The following TIMM44 variants were observed in gnomAD, a reference collection of about 807,000 sequenced individuals.
TIMM44 encodes translocase of inner mitochondrial membrane 44.
A neutral mutation model predicts 63.8 loss-of-function variants in TIMM44; 37 were observed. The observed-to-expected ratio is 0.58, with a 90% CI of 0.45 to 0.76. The LOEUF is 0.76. Among genes scored for constraint, TIMM44 ranks in the 30% least tolerant of loss-of-function variants. The pLI, the probability that TIMM44 is intolerant of heterozygous loss-of-function variation, is 0.00. For synonymous variants in TIMM44, 239 were observed against 245.1 expected (o/e 0.98, Z 0.23); for missense variants, 573 against 603.8 (o/e 0.95, Z 0.54).
intron 3 of TIMM44, among the ~76,000 whole-genome samples, chr19:7,935,753 C>T (rs1230422345): frequency 3.3e-5 from 5 of 152,202 alleles, no homozygotes; most frequent in African/African-American, 1.2e-4. Flanking sequence ...CCTTGCCTGT[C>T]ATCACTGTGC....
chr19:7,927,364 TGG>T (rs34491552), intron 12 of TIMM44, 58 bp from the exon 13 acceptor site: 59 of 1,512,704 alleles, frequency 3.9e-5, no homozygotes, highest in Non-Finnish European at 4.9e-5. Context: ...CAGGCAGCTC[TGG>T]GGGGGGGCCA....
intron 10 of TIMM44, among the ~76,000 whole-genome samples, chr19:7,930,721 T>C (rs1210341147): frequency 2.0e-5 from 3 of 152,154 alleles, no homozygotes; most frequent in African/African-American, 4.8e-5. Flanking sequence ...ATTGAAAGCA[T>C]AGGCCACCGT....
At position 7,934,287 on chromosome 19, in the gene TIMM44, CG is replaced by C. The variant is rs758905293; in HGVS notation, c.394-50del. On this transcript the variant is annotated intron_variant, in intron 4 of 12. Transcript: ENST00000270538. This position sits in a 1 kb window ranked among gnomAD's most constrained non-coding sequence, Gnocchi z 5.3. ...GGGCGTTGGCACCGGCCCTGGCGGCCGGGGGGCGGGGCAGGAGGAATGAATT... is the reference window on the plus strand; with the variant it reads ...GGGCGTTGGCACCGGCCCTGGCGGCCGGGGGCGGGGCAGGAGGAATGAATT... 2.5e-3 allele frequency: 4,027 copies of C among 1,602,274 alleles called. 7 individuals are homozygous for C. The highest frequency in any genetic ancestry group is 3.0e-3 in the Non-Finnish European group (3,562 of 1,178,484).
chr19:7,929,760 G>A (rs1197499640), intron 10 of TIMM44, among the ~76,000 whole-genome samples: 1 of 150,928 alleles, frequency 6.6e-6, no homozygotes, highest in Non-Finnish European at 1.5e-5. Flanking sequence ...CCAGGCCACT[G>A]CAGCCACCTG....
chr19:7,939,687 G>A (rs139072501), intron 2 of TIMM44, among the ~76,000 whole-genome samples: 405 of 151,962 alleles, frequency 2.7e-3, no homozygotes, highest in Non-Finnish European at 4.9e-3. Flanking sequence ...AGACCGAGGT[G>A]GGCGGATCAC....
chr19:7,928,500 C>T (rs1241631865), intron 10 of TIMM44: 5 of 323,920 alleles, frequency 1.5e-5, no homozygotes, highest in African/African-American at 2.1e-5. Flanking sequence ...CTTCCATATT[C>T]GCCGCACTCT....
intron 10 of TIMM44, chr19:7,928,766 C>CCAAT (rs1983889560): frequency 6.6e-6 from 1 of 151,822 alleles, no homozygotes; most frequent in African/African-American, 2.4e-5. Context: ...AAAAACAGAG[C>CCAAT]CAATCCTACT....
At chr19:7,932,535 C>A in intron 9 of TIMM44, 92 bp downstream of exon 9, 1 of 1,566,202 alleles carries the variant, frequency 6.4e-7, no homozygotes, top group Non-Finnish European at 8.7e-7. Flanking sequence ...CAGCAGAGTT[C>A]CCTGGCAGCA....
At position 7,942,998 on chromosome 19, in the gene TIMM44, C is replaced by A. The variant is rs1287551994; in HGVS notation, c.45+609G>T. ...GAAGTTGCAGTGAGCCGAGATCGCG[C>A]CATTGCACTCCAGACTGGGCGACAA... On this transcript the variant is annotated intron_variant, in intron 1 of 12. Transcript: ENST00000270538. 8.1e-5 allele frequency among the ~76,000 whole-genome samples: 12 copies of A among 147,328 alleles called. No homozygotes were observed. The East Asian group carries it at 2.2e-3, about 28-fold the overall frequency.
Position 7,934,990 on chromosome 19 carries a change from G to T in TIMM44, c.393+75C>A. ...GCCAAGCCACCCCCACCCAGGAGCC[G>T]ACTCTTCCTCCAGCCTCCAGCGGCC... On this transcript the variant is annotated intron_variant, in intron 4 of 12. Coordinates refer to ENST00000270538, the MANE Select transcript of TIMM44 (RefSeq NM_006351.4). The surrounding 1 kb of genome is among the most constrained non-coding windows in gnomAD (Gnocchi z 5.3). The T allele has an allele frequency of 2.1e-6, 3 of 1,413,146 alleles. No individual in the cohort carries two copies. The highest frequency in any genetic ancestry group is 1.2e-5 in the South Asian group (1 of 82,444). 87.5% of individuals were successfully genotyped at this position (1,413,146 alleles called of 1,614,324 possible).
Position 7,943,529 on chromosome 19 carries a change from G to T in TIMM44, c.45+78C>A. ...CAAGCAAGGGTCGCGAAGGCCAAGG[G>T]TCTGAGAAGAAAGCCTTGGTGGCCG... On this transcript the variant is annotated intron_variant, in intron 1 of 12. Coordinates refer to ENST00000270538, the MANE Select transcript of TIMM44 (RefSeq NM_006351.4). The surrounding 1 kb of genome is among the most constrained non-coding windows in gnomAD (Gnocchi z 4.3). 1.3e-6 allele frequency: 2 copies of T among 1,490,678 alleles called. No homozygotes were observed. Among genetic ancestry groups the T allele is most frequent in the Non-Finnish European group, 1.8e-6 (2 of 1,102,970 alleles). The allele number at this position is 1,490,678 out of a possible 1,614,324, so 92.3% of individuals were successfully genotyped here.
In TIMM44 at chr19:7,938,114, T is replaced by C. The variant is rs199514381; in HGVS notation, c.225A>G (p.Lys75=). 2 of 1,614,134 alleles carry C rather than the reference T, an allele frequency of 1.2e-6. No homozygotes were observed. The highest frequency in any genetic ancestry group is 1.3e-5 in the African/African-American group (1 of 75,034). ...ATTTTTTTATACTTTCTTTCATTTC[T>C]TTGTTTTTGGCTAATTCTTGTTTGA... is the stretch of plus-strand genomic sequence containing the variant. ...DNVKQELAKN[K]EMKESIKKFR... The change falls in exon 3 of 13, where the codon AAA becomes AAG. Residue 75 remains lysine (K), a synonymous_variant. Coordinates refer to ENST00000270538, the MANE Select transcript of TIMM44 (RefSeq NM_006351.4).
At chr19:7,940,936 G>A (rs1984290245) in intron 2 of TIMM44, among the ~76,000 whole-genome samples, 166 bp downstream of exon 2, 1 of 151,912 alleles carries the variant, frequency 6.6e-6, no homozygotes, top group Admixed American at 6.6e-5. Flanking sequence ...GGACCGAGAA[G>A]GCCAGGCACA....
At chr19:7,928,368 A>G (rs560732531) in intron 10 of TIMM44, 2 of 593,548 alleles carry the variant, frequency 3.4e-6, no homozygotes, top group East Asian at 2.8e-5. Context: ...CCTGGGAACA[A>G]CACTCTATCC....
Position 7,928,141 on chromosome 19 carries a change from A to T in TIMM44, c.1064T>A (p.Ile355Asn). The change falls in exon 11 of 13, where the codon ATC becomes AAC. Residue 355 changes from isoleucine (I) to asparagine (N), a missense_variant. Coordinates refer to ENST00000270538, the MANE Select transcript of TIMM44 (RefSeq NM_006351.4). ...EATYSQLAHPIQQAKALGLQF... is the reference protein window; with the variant it reads ...EATYSQLAHPNQQAKALGLQF... ...GAGACCCAGTGCCTTGGCCTGCTGG[A>T]TGGGGTGGGCCAGCTGGCTGTAAGT... is the stretch of plus-strand genomic sequence containing the variant. 6.2e-7 allele frequency: 1 copy of T among 1,613,924 alleles called. No homozygotes were observed. The highest frequency in any genetic ancestry group is 1.1e-5 in the South Asian group (1 of 91,078).
At chr19:7,940,204 G>C (rs1278514491) in intron 2 of TIMM44, among the ~76,000 whole-genome samples, 1 of 151,580 alleles carries the variant, frequency 6.6e-6, no homozygotes, top group African/African-American at 2.4e-5. Flanking sequence ...CTGCACCCCA[G>C]CCTGGGCCAC....
chr19:7,932,304 G>A (rs1984007693), intron 9 of TIMM44: 1 of 413,870 alleles, frequency 2.4e-6, no homozygotes, highest in African/African-American at 2.0e-5. Context: ...TCTCCCAAGG[G>A]GTGAGGGGCT....
rs934111163 is a variant in TIMM44 at position 7,926,898 on chromosome 19, C to T, written c.*289G>A. Reference sequence around the variant, plus strand: ...GGGGGGAGTCCCTGGGCCCTGGGGCCTCTTGGCACTGTGTGACCTGTGTGC... The same window carrying T: ...GGGGGGAGTCCCTGGGCCCTGGGGCTTCTTGGCACTGTGTGACCTGTGTGC... On this transcript the variant is annotated 3_prime_UTR_variant, in exon 13 of 13. Coordinates refer to ENST00000270538, the MANE Select transcript of TIMM44 (RefSeq NM_006351.4). 4.5e-5 allele frequency: 20 copies of T among 441,632 alleles called. No homozygotes were observed. The highest frequency in any genetic ancestry group is 3.6e-4 in the African/African-American group (18 of 50,056). The allele number at this position is 441,632 out of a possible 1,614,324, so 27.4% of individuals were successfully genotyped here. A position where few individuals can be genotyped will look rare whatever the true frequency, so the allele number is the denominator to read the frequency against.
chr19:7,932,770 G>C lies in TIMM44; in HGVS notation c.863-19C>G, dbSNP rs1362022596. 1.2e-6 allele frequency: 2 copies of C among 1,614,084 alleles called. No individual in the cohort carries two copies. Among genetic ancestry groups the C allele is most frequent in the Non-Finnish European group, 1.7e-6 (2 of 1,179,978 alleles). Reference sequence around the variant, plus strand: ...AGGCCCCCTGCAGGGAGCAGAGCCGGGAGTTCGGGGGGAAGGCCGGGGACC... The same window carrying C: ...AGGCCCCCTGCAGGGAGCAGAGCCGCGAGTTCGGGGGGAAGGCCGGGGACC... On this transcript the variant is annotated intron_variant, in intron 8 of 12. Coordinates refer to ENST00000270538, the MANE Select transcript of TIMM44 (RefSeq NM_006351.4).
Sources: allele counts gnomAD v4.1 joint callset (sites outside exome capture counted in the v4.1 genomes callset), GRCh38; gene constraint gnomAD v4.1.1; non-coding constraint Gnocchi (gnomAD v3.1); transcripts MANE v1.5; gene names NCBI Gene and HGNC (gene_info 2026-07-23, HGNC 2026-07-21).